Variants in LRRC4C observed in about 807,000 individuals in gnomAD.
The protein encoded by LRRC4C is leucine rich repeat containing 4C, also known as leucine-rich repeat-containing protein 4C.
LRRC4C carries 5 observed loss-of-function variants against 33.6 expected under a neutral mutation model. That is an observed-to-expected ratio of 0.15 (90% confidence interval 0.08 to 0.31). The LOEUF (loss-of-function observed/expected upper bound fraction) is 0.31. LRRC4C is among the 10% of genes least tolerant of loss of function. LRRC4C has a pLI of 1.00. For missense variants in LRRC4C, 560 were observed against 796.7 expected (o/e 0.70, Z 3.58); for synonymous variants, 329 against 302.0 (o/e 1.09, Z -0.93).
At chr11:40,473,714 A>G (rs1237389249) in intron 3 of LRRC4C, among the ~76,000 whole-genome samples, 7 of 152,218 alleles carry the variant, frequency 4.6e-5, no homozygotes, top group Admixed American at 2.6e-4. Context: ...CCATCGTCTC[A>G]GCCCAAAATC....
intron 3 of LRRC4C, among the ~76,000 whole-genome samples, chr11:40,528,101 A>G (rs1317041410): frequency 1.3e-5 from 2 of 152,172 alleles, no homozygotes; most frequent in African/African-American, 4.8e-5. Flanking sequence ...GAAGAATATA[A>G]ATAACATGAA....
chr11:40,173,615 T>C (rs1860227331), intron 5 of LRRC4C, among the ~76,000 whole-genome samples: 1 of 152,154 alleles, frequency 6.6e-6, no homozygotes, highest in African/African-American at 2.4e-5. Flanking sequence ...AGACTACCTA[T>C]AAAGGTCTAT....
chr11:40,934,555 A>T (rs1957783060), intron 1 of LRRC4C, among the ~76,000 whole-genome samples: 1 of 152,176 alleles, frequency 6.6e-6, no homozygotes, highest in Admixed American at 6.6e-5. Context: ...ATAATAATTT[A>T]GCATTTCTTT....
chr11:40,292,955 T>A (rs1360622372), intron 4 of LRRC4C: 1 of 151,582 alleles, frequency 6.6e-6, no homozygotes, highest in Non-Finnish European at 1.5e-5. Flanking sequence ...GGTCAATTCC[T>A]CTCCCCAGCC....
chr11:40,902,241 G>T (rs1163185056), intron 2 of LRRC4C, among the ~76,000 whole-genome samples: 1 of 151,838 alleles, frequency 6.6e-6, no homozygotes, highest in Non-Finnish European at 1.5e-5. Flanking sequence ...ATCTGTTATG[G>T]TGCTCGTGAT....
At chr11:40,355,371 G>A (rs2137117714) in intron 3 of LRRC4C, among the ~76,000 whole-genome samples, 1 of 152,174 alleles carries the variant, frequency 6.6e-6, no homozygotes, top group Non-Finnish European at 1.5e-5. Context: ...CTGGCTCTGA[G>A]CCTACCACAG....
At chr11:40,335,525 C>T (rs1946558048) in intron 3 of LRRC4C, among the ~76,000 whole-genome samples, 1 of 152,140 alleles carries the variant, frequency 6.6e-6, no homozygotes, top group Non-Finnish European at 1.5e-5. Flanking sequence ...TTCGCTAGAG[C>T]ATGAAAAATG....
intron 3 of LRRC4C, among the ~76,000 whole-genome samples, chr11:40,477,628 G>T (rs1204500438): frequency 6.7e-6 from 1 of 149,626 alleles, no homozygotes; most frequent in Non-Finnish European, 1.5e-5. Flanking sequence ...CCCTTATATT[G>T]ACTACCACTT....
intron 5 of LRRC4C, among the ~76,000 whole-genome samples, chr11:40,175,953 G>T (rs1860446806): frequency 6.6e-6 from 1 of 152,104 alleles, no homozygotes; most frequent in Non-Finnish European, 1.5e-5. Flanking sequence ...GAGCTATATA[G>T]AGGCTGAGTA....
chr11:41,365,642 C>T (rs973902315), intron 1 of LRRC4C, among the ~76,000 whole-genome samples: 19 of 152,158 alleles, frequency 1.2e-4, no homozygotes, highest in Admixed American at 4.6e-4. Flanking sequence ...GATTTTTCAT[C>T]AGGTGCCCTG....
rs774556337 is a variant in LRRC4C, at chr11:40,907,414, C to G, written c.-407+26221G>C. Among the ~76,000 whole-genome samples the G allele has an allele frequency of 1.1e-4, 17 of 152,148 alleles. 1 individual carries two copies. The highest frequency in any genetic ancestry group is 2.4e-4 in the Non-Finnish European group (16 of 68,014). ...GGAACATAATGGGGCAATCATTATT[C>G]AAGAGAGTGTCAAAATCATTTAGAA... On this transcript the variant is annotated intron_variant, in intron 2 of 6. Coordinates refer to ENST00000528697, the MANE Select transcript of LRRC4C (RefSeq NM_001258419.2).
At chr11:40,492,035 G>A (rs577092649) in intron 3 of LRRC4C, among the ~76,000 whole-genome samples, 3 of 152,160 alleles carry the variant, frequency 2.0e-5, no homozygotes, top group Middle Eastern at 3.2e-3. Context: ...ATGATGTCTT[G>A]CACATACACC....
chr11:40,743,041 T>G (rs1302928666), intron 2 of LRRC4C, among the ~76,000 whole-genome samples: 2 of 152,182 alleles, frequency 1.3e-5, no homozygotes, highest in Non-Finnish European at 2.9e-5. Context: ...TCAAGATCTT[T>G]AATGACAATT....
chr11:41,251,152 C>G (rs1163159584), intron 1 of LRRC4C, among the ~76,000 whole-genome samples: 1 of 152,298 alleles, frequency 6.6e-6, no homozygotes, highest in Non-Finnish European at 1.5e-5. Context: ...TTTGCTTACT[C>G]TTTGAACACA....
At chr11:40,930,911 A>G (rs1957590895) in intron 2 of LRRC4C, among the ~76,000 whole-genome samples, 2 of 152,228 alleles carry the variant, frequency 1.3e-5, no homozygotes, top group African/African-American at 4.8e-5. Flanking sequence ...TTAATTAAAC[A>G]ATAAATTATT....
chr11:40,471,580 A>T (rs1221137347), intron 3 of LRRC4C, among the ~76,000 whole-genome samples: 2 of 151,858 alleles, frequency 1.3e-5, no homozygotes, highest in Non-Finnish European at 2.9e-5. Context: ...CAATTAAAAG[A>T]TCCCTCAGTG....
At chr11:40,394,217 T>C (rs957716583) in intron 3 of LRRC4C, among the ~76,000 whole-genome samples, 5 of 152,104 alleles carry the variant, frequency 3.3e-5, no homozygotes, top group African/African-American at 1.2e-4. Context: ...CCTTGGAATA[T>C]AAAAGTGCTC....
intron 1 of LRRC4C, among the ~76,000 whole-genome samples, chr11:40,994,408 G>A (rs559221033): frequency 2.3e-4 from 35 of 152,228 alleles, no homozygotes; most frequent in African/African-American, 7.2e-4. Flanking sequence ...AGCTAATGGG[G>A]GATGTGAAAG....
chr11:40,989,820 C>CAA (rs1279703523), intron 1 of LRRC4C, among the ~76,000 whole-genome samples: 2 of 151,968 alleles, frequency 1.3e-5, no homozygotes, highest in Non-Finnish European at 2.9e-5. Context: ...CCTCCATATC[C>CAA]TTGCCTTCCC....
Sources: allele counts gnomAD v4.1 joint callset (sites outside exome capture counted in the v4.1 genomes callset), GRCh38; gene constraint gnomAD v4.1.1; transcripts MANE v1.5; gene names NCBI Gene and HGNC (gene_info 2026-07-23, HGNC 2026-07-21).